The following SNX29 variants were observed in gnomAD, a reference collection of about 807,000 sequenced individuals.
SNX29 encodes sorting nexin-29.
In SNX29, 78 loss-of-function variants were observed where a neutral mutation model predicts 102.1. The ratio of observed to expected loss-of-function variants is 0.76; its 90% CI spans 0.64 to 0.92. The LOEUF is 0.92. SNX29 is among the 40% of genes least tolerant of loss of function. The probability of loss-of-function intolerance (pLI) is 0.00; values close to 1 mark genes in which losing one functional copy is unlikely to be tolerated. For synonymous variants in SNX29, 580 were observed against 414.5 expected (o/e 1.40, Z -4.85); for missense variants, 1,280 against 1,061.7 (o/e 1.21, Z -2.86).
In SNX29 at chr16:12,569,401, A is replaced by T. The variant is rs1344891792; in HGVS notation, c.*772A>T. ...GACATCTGGCCCAGCCATCAGCAGCAACCTAGTAACCCGGCGTCATCCAGC... is the reference window on the plus strand; with the variant it reads ...GACATCTGGCCCAGCCATCAGCAGCTACCTAGTAACCCGGCGTCATCCAGC... On this transcript the variant is annotated 3_prime_UTR_variant, in exon 21 of 21. Transcript: ENST00000566228. The T allele has an allele frequency of 1.7e-5, 4 of 230,698 alleles. No homozygotes were observed. The highest frequency in any genetic ancestry group is 2.6e-5 in the Non-Finnish European group (3 of 116,588). 14.3% of individuals were successfully genotyped at this position (230,698 alleles called of 1,614,324 possible). A position where few individuals can be genotyped will look rare whatever the true frequency, so the allele number is the denominator to read the frequency against.
At chr16:12,058,797 GTTT>G (rs34150245) in intron 8 of SNX29, among the ~76,000 whole-genome samples, 9 of 113,740 alleles carry the variant, frequency 7.9e-5, no homozygotes, top group Non-Finnish European at 1.4e-4. Context: ...CCCGGCCTGG[GTTT>G]TTTTTTTTTT....
chr16:12,352,519 A>G (rs191819399), intron 15 of SNX29, among the ~76,000 whole-genome samples: 50 of 152,376 alleles, frequency 3.3e-4, no homozygotes, highest in African/African-American at 1.2e-3. Flanking sequence ...AGTATAAAAA[A>G]AAAAATTTGA....
At chr16:12,072,746 C>T (rs1033142586) in intron 10 of SNX29, among the ~76,000 whole-genome samples, 1 of 152,010 alleles carries the variant, frequency 6.6e-6, no homozygotes, top group African/African-American at 2.4e-5. Flanking sequence ...AGGAATGGTA[C>T]CAGTTCCTCC....
rs565620865 is a variant in SNX29 at position 11,985,965 on chromosome 16, T to C, written c.7+9152T>C. ...CTCCCGCCTCGAGCGCCACCATGCC[T>C]GGCTCATTATTGTATTTTTCGTAGA... On this transcript the variant is annotated intron_variant, in intron 1 of 20. Coordinates refer to ENST00000566228, the MANE Select transcript of SNX29 (RefSeq NM_032167.5). Among the ~76,000 whole-genome samples, 19 of 151,908 alleles carry C rather than the reference T, an allele frequency of 1.3e-4. No individual in the cohort carries two copies. The South Asian group carries it at 4.0e-3, about 32-fold the overall frequency.
intron 18 of SNX29, among the ~76,000 whole-genome samples, chr16:12,412,712 T>C (rs750222327): frequency 3.3e-5 from 5 of 152,390 alleles, no homozygotes; most frequent in Non-Finnish European, 7.3e-5. Flanking sequence ...TTCAGAATTA[T>C]AATTTTTTAC....
At chr16:12,080,895 G>C (rs1023254991) in intron 11 of SNX29, among the ~76,000 whole-genome samples, 1 of 150,334 alleles carries the variant, frequency 6.7e-6, no homozygotes, top group African/African-American at 2.5e-5. Context: ...TGTTGGCCGG[G>C]CTGGTCTTGA....
At chr16:12,068,845 C>G (rs1054951251) in intron 9 of SNX29, among the ~76,000 whole-genome samples, 2 of 152,160 alleles carry the variant, frequency 1.3e-5, no homozygotes, top group African/African-American at 4.8e-5. Flanking sequence ...AAGTATAGGG[C>G]TTTCTGCTTC....
At chr16:12,557,455 G>C (rs1327655292) in intron 20 of SNX29, 1 of 152,142 alleles carries the variant, frequency 6.6e-6, no homozygotes, top group Non-Finnish European at 1.5e-5. Context: ...TCCTCCTCCT[G>C]GGTTCAAGCA....
intron 13 of SNX29, among the ~76,000 whole-genome samples, chr16:12,195,771 T>G (rs2076757297): frequency 6.6e-6 from 1 of 152,198 alleles, no homozygotes; most frequent in Non-Finnish European, 1.5e-5. Flanking sequence ...GAGTGTGTGT[T>G]AGACTCTCTG....
At chr16:12,268,227 G>A (rs957030307) in intron 14 of SNX29, among the ~76,000 whole-genome samples, 3 of 152,190 alleles carry the variant, frequency 2.0e-5, no homozygotes, top group African/African-American at 7.2e-5. Context: ...GGGTCTCTGA[G>A]TCTCCTCACT....
chr16:12,198,712 G>A (rs1272321210), intron 13 of SNX29, among the ~76,000 whole-genome samples: 1 of 152,244 alleles, frequency 6.6e-6, no homozygotes, highest in African/African-American at 2.4e-5. Context: ...GATCTTACCA[G>A]TGAGTTTTAC....
chr16:12,462,480 T>A (rs920411326), intron 18 of SNX29, among the ~76,000 whole-genome samples: 2 of 152,124 alleles, frequency 1.3e-5, no homozygotes, highest in African/African-American at 4.8e-5. Flanking sequence ...AAGAAAGAAA[T>A]CTGGAAATCT....
intron 11 of SNX29, among the ~76,000 whole-genome samples, chr16:12,085,800 C>G (rs894476510): frequency 6.6e-6 from 1 of 152,210 alleles, no homozygotes; most frequent in South Asian, 2.1e-4. Flanking sequence ...AATCCCCCAG[C>G]AGCCTTCTGA....
At chr16:12,460,016 A>G (rs978667473) in intron 18 of SNX29, among the ~76,000 whole-genome samples, 1 of 152,226 alleles carries the variant, frequency 6.6e-6, no homozygotes, top group African/African-American at 2.4e-5. Flanking sequence ...AGCATGGCTC[A>G]GCTTCCATGC....
At chr16:12,410,625 G>A (rs1433478194) in intron 18 of SNX29, among the ~76,000 whole-genome samples, 1 of 151,804 alleles carries the variant, frequency 6.6e-6, no homozygotes, top group Non-Finnish European at 1.5e-5. Context: ...GAAGAGACAG[G>A]GTCTCACTGT....
At position 12,141,692 on chromosome 16, in the gene SNX29, G is replaced by A. The variant is rs7206245; in HGVS notation, c.1595+11934G>A. Among the ~76,000 whole-genome samples, 811 of 152,344 alleles carry A rather than the reference G, an allele frequency of 5.3e-3. 9 individuals carry two copies. The highest frequency in any genetic ancestry group is 0.019 in the African/African-American group (775 of 41,580). ...CGTGGCATTTGTAAACTGTCATGGT[G>A]CTGGTGGGAATGTCCTTAGCATGCT... On this transcript the variant is annotated intron_variant, in intron 13 of 20. Coordinates refer to ENST00000566228, the MANE Select transcript of SNX29 (RefSeq NM_032167.5).
intron 13 of SNX29, among the ~76,000 whole-genome samples, chr16:12,192,516 A>G (rs897788301): frequency 6.6e-6 from 1 of 151,298 alleles, no homozygotes; most frequent in East Asian, 2.0e-4. Context: ...TTTTTAATTT[A>G]TTTTTTTGTT....
At chr16:12,358,100 G>T (rs1256932249) in intron 16 of SNX29, among the ~76,000 whole-genome samples, 2 of 152,198 alleles carry the variant, frequency 1.3e-5, no homozygotes, top group Non-Finnish European at 2.9e-5. Flanking sequence ...TTTAAGGTCA[G>T]TACCTAAGTG....
intron 13 of SNX29, among the ~76,000 whole-genome samples, chr16:12,180,470 T>G (rs1486782338): frequency 6.6e-6 from 1 of 152,078 alleles, no homozygotes; most frequent in Non-Finnish European, 1.5e-5. Flanking sequence ...ATTGGATACT[T>G]CTTTGTTGCT....
Sources: allele counts gnomAD v4.1 joint callset (sites outside exome capture counted in the v4.1 genomes callset), GRCh38; gene constraint gnomAD v4.1.1; transcripts MANE v1.5; gene names NCBI Gene and HGNC (gene_info 2026-07-23, HGNC 2026-07-21).